Variants in ATF7IP observed in about 807,000 individuals in gnomAD.
ATF7IP encodes the protein activating transcription factor 7 interacting protein, also known as activating transcription factor 7-interacting protein 1.
In ATF7IP, 23 loss-of-function variants were observed where a neutral mutation model predicts 106.4. The ratio of observed to expected loss-of-function variants is 0.22; its 90% confidence interval spans 0.16 to 0.31. The LOEUF (loss-of-function observed/expected upper bound fraction) is 0.31, where lower values mean the gene tolerates loss of function less well. Ranked by LOEUF, ATF7IP falls within the 10% of genes least tolerant of loss-of-function variation. The probability of loss-of-function intolerance (pLI) is 1.00; values close to 1 mark genes in which losing one functional copy is unlikely to be tolerated. For missense variants in ATF7IP, 1,334 were observed against 1,524.3 expected (o/e 0.88, Z 2.08); for synonymous variants, 542 against 539.0 (o/e 1.01, Z -0.08).
chr12:14,394,733 C>G (rs888988872), intron 1 of ATF7IP: 3 of 152,184 alleles, frequency 2.0e-5, no homozygotes, highest in Non-Finnish European at 4.4e-5. Context: ...AGTGAGACCA[C>G]AATTGACAGT....
chr12:14,475,498 C>T (rs1944228961), intron 10 of ATF7IP, among the ~76,000 whole-genome samples: 1 of 152,068 alleles, frequency 6.6e-6, no homozygotes, highest in Non-Finnish European at 1.5e-5. Context: ...AGATTATTTT[C>T]TATAACCCAA....
Position 14,425,036 on chromosome 12 carries a change from A to T in ATF7IP, c.1121A>T (p.Asp374Val). The T allele has an allele frequency of 6.2e-7, 1 of 1,610,160 alleles. No individual in the cohort carries two copies. Among genetic ancestry groups the T allele is most frequent in the Non-Finnish European group, 8.5e-7 (1 of 1,179,014 alleles). Residue 374 changes from aspartate (D) to valine (V), a missense_variant, in exon 2 of 15, where the codon GAT (aspartate) becomes GTT (valine). This residue lies in a region of ATF7IP where 438 missense variants were observed against 405.3 expected (regional missense o/e 1.08). Transcript: ENST00000261168. ...GAAAATGAAAAGAAGGTAGAGGAAG[A>T]TATTATCACAGAGCTTGCTCTTGGA... is the stretch of plus-strand genomic sequence containing the variant. Reference protein sequence around the residue: ...PPENEKKVEEDIITELALGED... With the variant: ...PPENEKKVEEVIITELALGED...
chr12:14,416,633 G>A (rs1192627471), intron 1 of ATF7IP, among the ~76,000 whole-genome samples: 2 of 152,178 alleles, frequency 1.3e-5, no homozygotes, highest in Admixed American at 1.3e-4. Context: ...TTTAATCAAA[G>A]AAACCCTACC....
intron 1 of ATF7IP, among the ~76,000 whole-genome samples, chr12:14,398,488 T>C (rs2136455535): frequency 7.0e-6 from 1 of 142,326 alleles, no homozygotes; most frequent in East Asian, 2.0e-4. Flanking sequence ...TTTTTTTTTG[T>C]CTTTGAGTTT....
At chr12:14,393,432 T>C (rs1939683140) in intron 1 of ATF7IP, among the ~76,000 whole-genome samples, 1 of 152,176 alleles carries the variant, frequency 6.6e-6, no homozygotes, top group African/African-American at 2.4e-5. Context: ...TATTTGTCCC[T>C]ATCACTTCAT....
chr12:14,456,557 C>T lies in ATF7IP; in HGVS notation c.1996-4C>T. 3 of 1,607,440 alleles carry T rather than the reference C, an allele frequency of 1.9e-6. No individual in the cohort carries two copies. Among genetic ancestry groups the T allele is most frequent in the Non-Finnish European group, 2.5e-6 (3 of 1,176,846 alleles). ...TTTTACCTTGATTTTTTTTTCTCCC[C>T]CAGCATCCACCCAACCCACCAGTAT... On this transcript the variant is annotated splice_region_variant and splice_polypyrimidine_tract_variant and intron_variant, in intron 6 of 14. Coordinates refer to ENST00000261168, the MANE Select transcript of ATF7IP (RefSeq NM_018179.5).
At chr12:14,404,149 AG>A (rs1416336027) in intron 1 of ATF7IP, among the ~76,000 whole-genome samples, 6 of 139,706 alleles carry the variant, frequency 4.3e-5, no homozygotes, top group South Asian at 4.5e-4. Context: ...TTTTTTTTCC[AG>A]TGCTAAACAG....
chr12:14,388,929 C>T (rs978131309), intron 1 of ATF7IP, among the ~76,000 whole-genome samples: 1 of 152,170 alleles, frequency 6.6e-6, no homozygotes, highest in African/African-American at 2.4e-5. Context: ...CATGAGGCAT[C>T]GTGCCCTGTG....
In ATF7IP at chr12:14,460,997, T is replaced by C; in HGVS notation, c.2661T>C (p.Thr887=). 1 of 1,614,156 alleles carries C rather than the reference T, an allele frequency of 6.2e-7. No homozygotes were observed. Among genetic ancestry groups the C allele is most frequent in the Non-Finnish European group, 8.5e-7 (1 of 1,180,020 alleles). Residue 887 remains threonine, a synonymous_variant, in exon 9 of 15, where the codon ACT becomes ACC. Transcript: ENST00000261168. The part of the protein sequence containing the change: ...TAHSIVQATR[T]SLPTVGPSGL... ...ACTCTATTGTACAAGCCACAAGGAC[T>C]TCTTTACCCACAGTGGGCCCATCAG...
At chr12:14,407,294 T>A (rs1009334359) in intron 1 of ATF7IP, among the ~76,000 whole-genome samples, 3 of 152,198 alleles carry the variant, frequency 2.0e-5, no homozygotes, top group Non-Finnish European at 4.4e-5. Flanking sequence ...GGTTTTAACA[T>A]GACTTGGCTG....
chr12:14,375,823 A>G (rs1938715130), intron 1 of ATF7IP, among the ~76,000 whole-genome samples: 1 of 152,250 alleles, frequency 6.6e-6, no homozygotes, highest in African/African-American at 2.4e-5. Flanking sequence ...AGTCATGAAT[A>G]TTTATTAAGA....
intron 13 of ATF7IP, among the ~76,000 whole-genome samples, chr12:14,492,842 A>T (rs1449427462): frequency 6.6e-6 from 1 of 151,908 alleles, no homozygotes; most frequent in Non-Finnish European, 1.5e-5. Context: ...TCCCGCTGTT[A>T]GATCTGACAT....
intron 1 of ATF7IP, among the ~76,000 whole-genome samples, chr12:14,374,200 G>A (rs1234190372): frequency 3.3e-5 from 5 of 150,736 alleles, no homozygotes; most frequent in African/African-American, 1.2e-4. Flanking sequence ...TGGGCTCAAG[G>A]GATCCTCCTG....
intron 6 of ATF7IP, among the ~76,000 whole-genome samples, chr12:14,448,614 C>T (rs571651218): frequency 1.2e-4 from 18 of 152,106 alleles, no homozygotes; most frequent in Non-Finnish European, 2.5e-4. Context: ...CTGCAATGTA[C>T]ATGGGAGTGC....
intron 10 of ATF7IP, among the ~76,000 whole-genome samples, chr12:14,469,049 C>CT (rs1943940414): frequency 6.6e-6 from 1 of 152,082 alleles, no homozygotes; most frequent in South Asian, 2.1e-4. Flanking sequence ...CTTGTTAACA[C>CT]TTTAAGGTTA....
At chr12:14,467,441 T>C (rs1321734133) in intron 10 of ATF7IP, among the ~76,000 whole-genome samples, 4 of 152,170 alleles carry the variant, frequency 2.6e-5, no homozygotes, top group African/African-American at 9.6e-5. Context: ...CTTAACTTCT[T>C]AGAAATGTTA....
rs779593459 is a variant in ATF7IP at position 14,481,050 on chromosome 12, A to C, written c.3145A>C (p.Thr1049Pro). 5.0e-6 allele frequency: 8 copies of C among 1,614,074 alleles called. No individual in the cohort carries two copies. The South Asian group carries it at 8.8e-5, about 18-fold the overall frequency. ...VTHRPVTQVT[T>P]RLPVPRAPAN... Reference sequence around the variant, plus strand: ...ACATCGTCCAGTAACTCAGGTGACCACAAGACTCCCTGTACCAAGAGCTCC... The same window carrying C: ...ACATCGTCCAGTAACTCAGGTGACCCCAAGACTCCCTGTACCAAGAGCTCC... The change falls in exon 13 of 15, where the codon ACA (threonine) becomes CCA (proline). Residue 1049 changes from threonine to proline, a missense_variant. Thr to Pro is a conservative substitution (Grantham distance 38, BLOSUM62 -1). This residue lies in a region of ATF7IP where 370 missense variants were observed against 401.2 expected (regional missense o/e 0.92). Coordinates refer to ENST00000261168, the MANE Select transcript of ATF7IP (RefSeq NM_018179.5).
chr12:14,468,448 C>T (rs796187045), intron 10 of ATF7IP, among the ~76,000 whole-genome samples: 4 of 149,662 alleles, frequency 2.7e-5, no homozygotes, highest in African/African-American at 9.8e-5. Context: ...CGAAACCAAC[C>T]TGGGCAGCAA....
intron 13 of ATF7IP, among the ~76,000 whole-genome samples, chr12:14,490,927 C>T (rs2136855283): frequency 6.6e-6 from 1 of 152,248 alleles, no homozygotes; most frequent in Middle Eastern, 3.4e-3. Context: ...GACCCATAGT[C>T]AAATGTTCAG....
Sources: allele counts gnomAD v4.1 joint callset (sites outside exome capture counted in the v4.1 genomes callset), GRCh38; gene constraint gnomAD v4.1.1; regional missense constraint gnomAD v4.1.1; transcripts MANE v1.5; gene names NCBI Gene and HGNC (gene_info 2026-07-23, HGNC 2026-07-21).